CEP89: variants seen among roughly 807,000 people sequenced by gnomAD.
The protein encoded by CEP89 is centrosomal protein 89.
A neutral mutation model predicts 97.6 loss-of-function variants in CEP89; 95 were observed. That is an observed-to-expected ratio of 0.97 (90% confidence interval 0.82 to 1.15). The LOEUF (loss-of-function observed/expected upper bound fraction) is 1.15. Ranked by LOEUF, CEP89 falls within the 50% of genes most tolerant of loss-of-function variation. CEP89 has a pLI of 0.00. For missense variants in CEP89, 869 were observed against 947.7 expected (o/e 0.92, Z 1.09); for synonymous variants, 354 against 349.1 (o/e 1.01, Z -0.16).
At chr19:32,913,045 A>C (rs1403684897) in intron 14 of CEP89, among the ~76,000 whole-genome samples, 3 of 148,966 alleles carry the variant, frequency 2.0e-5, no homozygotes, top group Non-Finnish European at 4.5e-5. Context: ...CGTCTCAAAA[A>C]AAATTAAAAA....
chr19:32,931,646 G>C lies in CEP89; in HGVS notation c.887-75C>G, dbSNP rs967469141. 5 of 1,290,880 alleles carry C rather than the reference G, an allele frequency of 3.9e-6. No homozygotes were observed. The Admixed American group carries it at 8.6e-5, about 22-fold the overall frequency. 80.0% of individuals were successfully genotyped at this position (1,290,880 alleles called of 1,614,324 possible). On this transcript the variant is annotated intron_variant, in intron 8 of 18. Transcript: ENST00000305768. Reference sequence around the variant, plus strand: ...TCCAGATTTTATTAAATTGCAAATCGTTTGCTTTTCTCCCCTCTTTCACGC... The same window carrying C: ...TCCAGATTTTATTAAATTGCAAATCCTTTGCTTTTCTCCCCTCTTTCACGC...
intron 16 of CEP89, among the ~76,000 whole-genome samples, chr19:32,889,304 GC>G (rs1969465739): frequency 6.6e-6 from 1 of 152,168 alleles, no homozygotes; most frequent in African/African-American, 2.4e-5. Context: ...CATCCTGGCA[GC>G]TCCCATGCCT....
In CEP89 at chr19:32,885,985, T is replaced by G. The variant is rs1309175871; in HGVS notation, c.1965+1767A>C. On this transcript the variant is annotated intron_variant, in intron 17 of 18. Transcript: ENST00000305768. The stretch of plus-strand genomic sequence containing the variant: ...TCTTAAACCGCTTCTCTGTCCCTTC[T>G]ATTTCTTCCCTGGGTCATGTCAGTT... Among the ~76,000 whole-genome samples, 4 of 152,174 alleles carry G rather than the reference T, an allele frequency of 2.6e-5. No homozygotes were observed. The East Asian group carries it at 7.7e-4, about 29-fold the overall frequency.
chr19:32,961,745 G>A (rs1369912249), intron 2 of CEP89, among the ~76,000 whole-genome samples: 2 of 152,052 alleles, frequency 1.3e-5, no homozygotes, highest in Admixed American at 1.3e-4. Flanking sequence ...CTGGGCTCAA[G>A]TGATCCTCCC....
chr19:32,903,639 A>C (rs1188985070), intron 14 of CEP89, among the ~76,000 whole-genome samples: 1 of 152,212 alleles, frequency 6.6e-6, no homozygotes, highest in Non-Finnish European at 1.5e-5. Flanking sequence ...AGATTTGTGA[A>C]GTTGAAGAGA....
Position 32,946,481 on chromosome 19 carries a change from C to T in CEP89, c.595+1785G>A, listed in dbSNP as rs188153817. Among the ~76,000 whole-genome samples, 531 of 152,248 alleles carry T rather than the reference C, an allele frequency of 3.5e-3. 10 individuals carry two copies. Among genetic ancestry groups the T allele is most frequent in the Non-Finnish European group, 9.4e-4 (64 of 68,026 alleles). ...GAAAGAAAGGTAACAAAACAGCATG[C>T]ACTTTATATACATATACTCTCTAAA... On this transcript the variant is annotated intron_variant, in intron 5 of 18. Transcript: ENST00000305768.
intron 11 of CEP89, among the ~76,000 whole-genome samples, chr19:32,924,967 T>C (rs1362806791): frequency 6.6e-6 from 1 of 152,166 alleles, no homozygotes; most frequent in Non-Finnish European, 1.5e-5. Flanking sequence ...TATTATTAGC[T>C]ATTAGGATTG....
chr19:32,939,824 G>A (rs751863231), intron 6 of CEP89, 33 bp downstream of exon 6: 3 of 981,586 alleles, frequency 3.1e-6, no homozygotes, highest in Non-Finnish European at 4.7e-6. Flanking sequence ...TCTATTTATT[G>A]AGAAAATCAG....
Position 32,966,402 on chromosome 19 carries a change from G to A in CEP89, c.104C>T (p.Thr35Ile), listed in dbSNP as rs1325064107. 3.2e-6 allele frequency: 5 copies of A among 1,563,746 alleles called. No homozygotes were observed. The highest frequency in any genetic ancestry group is 2.4e-5 in the South Asian group (2 of 84,260). Reference protein sequence around the residue: ...SVAPKAAVPRTPPPRSPNPSP... With the variant: ...SVAPKAAVPRIPPPRSPNPSP... ...TGGGTTGGGGCTGCGGGGAGGAGGT[G>A]TGCGTGGCACAGCTGCCTTCGGAGC... Residue 35 changes from threonine (T) to isoleucine (I), a missense_variant, in exon 2 of 19, where the codon ACA (threonine) becomes ATA (isoleucine). Physicochemically the swap from Thr to Ile is moderately conservative, Grantham distance 89 (BLOSUM62 -1). Transcript: ENST00000305768.
chr19:32,957,973 G>A (rs1457194467), intron 3 of CEP89, among the ~76,000 whole-genome samples: 2 of 151,336 alleles, frequency 1.3e-5, no homozygotes, highest in Non-Finnish European at 2.9e-5. Context: ...TCCAGCCTGT[G>A]CAACAGAATG....
At chr19:32,892,193 ATATT>A (rs1419668234) in intron 16 of CEP89, among the ~76,000 whole-genome samples, 3 of 126,830 alleles carry the variant, frequency 2.4e-5, no homozygotes, top group Non-Finnish European at 5.0e-5. Context: ...TTTAGAATAT[ATATT>A]TAGACATATA....
At position 32,885,240 on chromosome 19, in the gene CEP89, T is replaced by C. The variant is rs149280111; in HGVS notation, c.1965+2512A>G. Among the ~76,000 whole-genome samples the C allele has an allele frequency of 1.6e-3, 251 of 152,346 alleles. 1 individual carries two copies. Among genetic ancestry groups the C allele is most frequent in the African/African-American group, 5.8e-3 (242 of 41,572 alleles). On this transcript the variant is annotated intron_variant, in intron 17 of 18. Coordinates refer to ENST00000305768, the MANE Select transcript of CEP89 (RefSeq NM_032816.5). The stretch of plus-strand genomic sequence containing the variant: ...ACAATTCTATCAGCCTTATTCCCGC[T>C]CTAAGTCTTATTTTACAGTTAAATA...
intron 14 of CEP89, among the ~76,000 whole-genome samples, chr19:32,902,004 C>CTGTGTGTGTGTGTG (rs1455977169): frequency 0.047 from 4,703 of 99,314 alleles, 125 homozygotes; most frequent in East Asian, 0.087. Flanking sequence ...CTGTCTCTCT[C>CTGTGTGTGTGTGTG]TCTCTCTGTG....
At chr19:32,938,954 A>ATAAGTAAATAAAT (rs1970631884) in intron 6 of CEP89, among the ~76,000 whole-genome samples, 1 of 152,050 alleles carries the variant, frequency 6.6e-6, no homozygotes, top group African/African-American at 2.4e-5. Context: ...CATCTCAGAA[A>ATAAGTAAATAAAT]AATATCTCAG....
intron 2 of CEP89, among the ~76,000 whole-genome samples, chr19:32,965,714 TA>T (rs565723902): frequency 7.5e-4 from 88 of 116,986 alleles, no homozygotes; most frequent in Admixed American, 6.3e-4. Context: ...AATTAATAAT[TA>T]AAAAAAAAAA....
At chr19:32,930,347 A>G (rs911096048) in intron 9 of CEP89, among the ~76,000 whole-genome samples, 1 of 152,064 alleles carries the variant, frequency 6.6e-6, no homozygotes, top group Non-Finnish European at 1.5e-5. Flanking sequence ...TGATTTAACA[A>G]AAGTGCTCTA....
At chr19:32,894,777 T>C (rs1370438986) in intron 16 of CEP89, among the ~76,000 whole-genome samples, 1 of 152,210 alleles carries the variant, frequency 6.6e-6, no homozygotes, top group Non-Finnish European at 1.5e-5. Flanking sequence ...CCTTAAAATA[T>C]TAGGGTCTGT....
Position 32,878,845 on chromosome 19 carries a change from G to C in CEP89, c.*317C>G. On this transcript the variant is annotated 3_prime_UTR_variant, in exon 19 of 19. Transcript: ENST00000305768. ...TAGCTGGGCCTGACAGTGCACACCT[G>C]AGGTCCCAGCTACTCAGGAGGCTGA... The C allele has an allele frequency of 4.1e-6, 1 of 242,270 alleles. No homozygotes were observed. Among genetic ancestry groups the C allele is most frequent in the Non-Finnish European group, 7.9e-6 (1 of 126,752 alleles). The allele number at this position is 242,270 out of a possible 1,614,324, so 15.0% of individuals were successfully genotyped here.
chr19:32,970,047 C>A (rs1971366178), intron 1 of CEP89: 1 of 152,410 alleles, frequency 6.6e-6, no homozygotes, highest in Non-Finnish European at 1.5e-5. Context: ...CCCTCCTCTT[C>A]CTGCGCAGAG....
Sources: allele counts gnomAD v4.1 joint callset (sites outside exome capture counted in the v4.1 genomes callset), GRCh38; gene constraint gnomAD v4.1.1; transcripts MANE v1.5; gene names NCBI Gene and HGNC (gene_info 2026-07-23, HGNC 2026-07-21).